The following ANKIB1 variants were observed in gnomAD, a reference collection of about 807,000 sequenced individuals.
ANKIB1 encodes the protein ankyrin repeat and IBR domain-containing protein 1.
ANKIB1 carries 43 observed loss-of-function variants against 122.1 expected under a neutral mutation model. That is an observed-to-expected ratio of 0.35 (90% CI 0.28 to 0.45). ANKIB1 has a LOEUF of 0.45. Ranked by LOEUF, ANKIB1 falls within the 20% of genes least tolerant of loss-of-function variation. The pLI, the probability that ANKIB1 is intolerant of heterozygous loss-of-function variation, is 1.00. For synonymous variants in ANKIB1, 390 were observed against 442.0 expected (o/e 0.88, Z 1.48); for missense variants, 992 against 1,329.5 (o/e 0.75, Z 3.95).
chr7:92,343,306 TTC>T, intron 6 of ANKIB1, 74 bp downstream of exon 6: 1 of 1,325,356 alleles, frequency 7.5e-7, no homozygotes, highest in Admixed American at 2.0e-5. Context: ...TTTAATATTG[TTC>T]CATGGAGTGT....
intron 11 of ANKIB1, among the ~76,000 whole-genome samples, chr7:92,385,680 A>G (rs563224316): frequency 1.2e-3 from 181 of 152,334 alleles, no homozygotes; most frequent in Middle Eastern, 3.4e-3. Flanking sequence ...GAATTGAACA[A>G]TGAGAACACT....
chr7:92,346,268 C>T (rs976491539), intron 7 of ANKIB1, among the ~76,000 whole-genome samples: 3 of 151,996 alleles, frequency 2.0e-5, no homozygotes, highest in African/African-American at 7.2e-5. Flanking sequence ...TAAGCTGGGA[C>T]TATAGGCACA....
intron 5 of ANKIB1, among the ~76,000 whole-genome samples, chr7:92,340,583 A>G (rs1458768122): frequency 6.6e-6 from 1 of 151,026 alleles, no homozygotes; most frequent in East Asian, 1.9e-4. Context: ...TTACATGTAA[A>G]TCTAAGGACA....
chr7:92,299,184 C>T (rs1802412934), intron 2 of ANKIB1, among the ~76,000 whole-genome samples: 1 of 152,184 alleles, frequency 6.6e-6, no homozygotes, highest in South Asian at 2.1e-4. Flanking sequence ...AACTTGTATT[C>T]ACTACCTTCA....
intron 5 of ANKIB1, among the ~76,000 whole-genome samples, chr7:92,328,942 A>T (rs1052017286): frequency 2.7e-5 from 4 of 148,416 alleles, no homozygotes; most frequent in South Asian, 2.1e-4. Context: ...TAAAACATAT[A>T]ATATATATAT....
At chr7:92,291,030 G>T (rs935414054) in intron 1 of ANKIB1, among the ~76,000 whole-genome samples, 1 of 152,148 alleles carries the variant, frequency 6.6e-6, no homozygotes, top group African/African-American at 2.4e-5. Flanking sequence ...GCAGTGGCTC[G>T]CACCTGTAAT....
At chr7:92,309,889 C>A (rs1329360301) in intron 3 of ANKIB1, among the ~76,000 whole-genome samples, 1 of 139,772 alleles carries the variant, frequency 7.2e-6, no homozygotes, top group Non-Finnish European at 1.5e-5. Flanking sequence ...GGGGCCGCTG[C>A]ACTCCAGCCT....
chr7:92,327,926 C>G, intron 5 of ANKIB1, 26 bp downstream of exon 5: 1 of 1,441,722 alleles, frequency 6.9e-7, no homozygotes, highest in South Asian at 1.3e-5. Flanking sequence ...TCTTATGCTT[C>G]TAAGAACATG....
At position 92,307,610 on chromosome 7, in the gene ANKIB1, C is replaced by T. The variant is rs1401296169; in HGVS notation, c.440C>T (p.Thr147Ile). 6.2e-7 allele frequency: 1 copy of T among 1,612,536 alleles called. No individual in the cohort carries two copies. The highest frequency in any genetic ancestry group is 8.5e-7 in the Non-Finnish European group (1 of 1,179,540). The change falls in exon 3 of 20, where the codon ACA becomes ATA. Residue 147 changes from threonine (T) to isoleucine (I), a missense_variant. Thr to Ile is a moderately conservative substitution (Grantham distance 89). Around this residue, in one of 4 missense-constraint regions of ANKIB1, gnomAD observed 521 missense variants for 777.7 expected, o/e 0.67. Transcript: ENST00000265742. Reference sequence around the variant, plus strand: ...GATGCTGTTGATAACAAAAAAAACACACCCTTGCACTATGCTGCTGCCTCA... The same window carrying T: ...GATGCTGTTGATAACAAAAAAAACATACCCTTGCACTATGCTGCTGCCTCA... ...AIDAVDNKKN[T>I]PLHYAAASGM...
intron 1 of ANKIB1, among the ~76,000 whole-genome samples, chr7:92,261,943 G>C (rs1221232386): frequency 6.6e-6 from 1 of 152,216 alleles, no homozygotes; most frequent in Non-Finnish European, 1.5e-5. Flanking sequence ...AGGATGTAGG[G>C]AAGCGCAGTG....
At chr7:92,367,610 C>T (rs1347707428) in intron 10 of ANKIB1, among the ~76,000 whole-genome samples, 1 of 151,988 alleles carries the variant, frequency 6.6e-6, no homozygotes, top group Non-Finnish European at 1.5e-5. Flanking sequence ...TTATGAGACT[C>T]AGGATGAGAA....
At chr7:92,326,108 G>T in intron 4 of ANKIB1, 1 of 239,984 alleles carries the variant, frequency 4.2e-6, no homozygotes, top group Non-Finnish European at 8.7e-6. Context: ...CAGTTCTGTT[G>T]TGAAGATTCA....
At position 92,388,239 on chromosome 7, in the gene ANKIB1, T is replaced by G. The variant is rs12536804; in HGVS notation, c.1906+198T>G. Among the ~76,000 whole-genome samples the G allele has an allele frequency of 6.2e-3, 948 of 152,294 alleles. 36 individuals are homozygous for G. The highest frequency in any genetic ancestry group is 0.047 in the Admixed American group (726 of 15,288). On this transcript the variant is annotated intron_variant, in intron 14 of 19. Coordinates refer to ENST00000265742, the MANE Select transcript of ANKIB1 (RefSeq NM_019004.2). ...TGGATTTTCTACCCAGCACCTAGCC[T>G]CCTCCTCTTGATGCAGCCTGTGGTG...
intron 2 of ANKIB1, among the ~76,000 whole-genome samples, chr7:92,302,123 G>A (rs765540012): frequency 4.0e-4 from 61 of 151,938 alleles, no homozygotes; most frequent in Non-Finnish European, 8.2e-4. Context: ...TAGTAGAGAT[G>A]TAGTTTCACT....
chr7:92,355,736 A>G (rs184451507), intron 9 of ANKIB1, among the ~76,000 whole-genome samples: 1 of 151,792 alleles, frequency 6.6e-6, no homozygotes, highest in African/African-American at 2.4e-5. Flanking sequence ...GTAGTTCCAG[A>G]TATTCGGGAG....
chr7:92,313,629 G>T (rs1480764877), intron 3 of ANKIB1, among the ~76,000 whole-genome samples: 1 of 152,174 alleles, frequency 6.6e-6, no homozygotes, highest in African/African-American at 2.4e-5. Context: ...TTCATGGGTA[G>T]TAGTAAGATT....
chr7:92,257,622 G>A (rs996905683), intron 1 of ANKIB1, among the ~76,000 whole-genome samples: 1 of 152,100 alleles, frequency 6.6e-6, no homozygotes, highest in African/African-American at 2.4e-5. Context: ...GAGAAACCCC[G>A]TCTCCACTAA....
chr7:92,285,964 G>A (rs1381412453), intron 1 of ANKIB1, among the ~76,000 whole-genome samples: 3 of 152,134 alleles, frequency 2.0e-5, no homozygotes, highest in African/African-American at 4.8e-5. Context: ...TCCTAAGTTT[G>A]CCTTTATCCT....
At chr7:92,369,789 A>G (rs1159417388) in intron 10 of ANKIB1, among the ~76,000 whole-genome samples, 1 of 152,230 alleles carries the variant, frequency 6.6e-6, no homozygotes, top group Non-Finnish European at 1.5e-5. Context: ...CAGTGCACTT[A>G]GAGTTAAAAA....
Sources: allele counts gnomAD v4.1 joint callset (sites outside exome capture counted in the v4.1 genomes callset), GRCh38; gene constraint gnomAD v4.1.1; regional missense constraint gnomAD v4.1.1; transcripts MANE v1.5; gene names NCBI Gene and HGNC (gene_info 2026-07-23, HGNC 2026-07-21).